The following SMG1 variants were observed in gnomAD, a reference collection of about 807,000 sequenced individuals.
SMG1 encodes the protein SMG1 nonsense mediated mRNA decay associated PI3K related kinase, also known as serine/threonine-protein kinase SMG1.
A neutral mutation model predicts 419.9 loss-of-function variants in SMG1; 22 were observed. That is an observed-to-expected ratio of 0.05 (90% CI 0.04 to 0.07). The LOEUF (loss-of-function observed/expected upper bound fraction) is 0.07. SMG1 is among the 10% of genes least tolerant of loss of function. The probability of loss-of-function intolerance (pLI) is 1.00; values close to 1 mark genes in which losing one functional copy is unlikely to be tolerated. For synonymous variants in SMG1, 1,538 were observed against 1,553.5 expected, an observed-to-expected ratio of 0.99 and a Z score of 0.23; for missense variants, 3,185 against 4,342.0, an observed-to-expected ratio of 0.73 and a Z score of 7.49.
At chr16:18,845,281 G>T in intron 39 of SMG1, 148 bp downstream of exon 39, 3 of 632,136 alleles carry the variant, frequency 4.7e-6, no homozygotes, top group Non-Finnish European at 7.8e-6. Context: ...TTTTTTCTAT[G>T]TTCCTTATAA....
intron 51 of SMG1, 134 bp downstream of exon 51, chr16:18,832,806 C>T (rs1166226134): frequency 1.9e-5 from 14 of 737,262 alleles, no homozygotes; most frequent in East Asian, 5.1e-5. Flanking sequence ...TAAAAAGATA[C>T]GTGTATGAGC....
In SMG1 at chr16:18,809,510, G is replaced by C; in HGVS notation, c.*59C>G. On this transcript the variant is annotated 3_prime_UTR_variant, in exon 63 of 63. Transcript: ENST00000446231. ...GGTGTGGCTTTGGATGCCTGAGGCT[G>C]AGTTGATTCTGGTGGATGTCTGACC... 1 of 1,329,470 alleles carries C rather than the reference G, an allele frequency of 7.5e-7. No homozygotes were observed. The allele number at this position is 1,329,470 out of a possible 1,614,324, so 82.4% of individuals were successfully genotyped here. A position where few individuals can be genotyped will look rare whatever the true frequency, so the allele number is the denominator to read the frequency against.
chr16:18,924,645 C>A (rs181567961), intron 1 of SMG1, among the ~76,000 whole-genome samples: 1 of 152,134 alleles, frequency 6.6e-6, no homozygotes, highest in African/African-American at 2.4e-5. Context: ...CAAGTCAACG[C>A]TGTTTATCGA....
intron 1 of SMG1, among the ~76,000 whole-genome samples, chr16:18,916,642 G>T (rs1289805843): frequency 6.7e-6 from 1 of 149,334 alleles, no homozygotes; most frequent in Non-Finnish European, 1.5e-5. Flanking sequence ...CACAGAATAA[G>T]GGAGCATTTC....
At chr16:18,873,329 C>T (rs2035926832) in intron 13 of SMG1, among the ~76,000 whole-genome samples, 1 of 152,030 alleles carries the variant, frequency 6.6e-6, no homozygotes, top group Admixed American at 6.6e-5. Context: ...AGCAATTCTC[C>T]CTGCCTCAGT....
intron 6 of SMG1, among the ~76,000 whole-genome samples, chr16:18,887,787 A>C (rs1278468834): frequency 1.0e-4 from 10 of 98,764 alleles, no homozygotes; most frequent in African/African-American, 3.0e-4. Context: ...AAAAAAAAAA[A>C]AAAAAAAAAA....
Position 18,869,266 on chromosome 16 carries a change from G to C in SMG1, c.2671C>G (p.Gln891Glu). 1 of 1,611,454 alleles carries C rather than the reference G, an allele frequency of 6.2e-7. No individual in the cohort carries two copies. The highest frequency in any genetic ancestry group is 1.1e-5 in the South Asian group (1 of 90,962). The change falls in exon 20 of 63, where the codon CAG (glutamine) becomes GAG (glutamate). Residue 891 changes from glutamine to glutamate, a missense_variant. By Grantham distance (29) the Gln-to-Glu change is conservative. Transcript: ENST00000446231. ...NWLERLFYSC[Q>E]RLDKRDQSTI... ...GACTGGTCACGCTTATCCAGTCTCT[G>C]GCAGCTATAGAACAGTCTTTCCAAC...
chr16:18,920,265 T>C (rs1454368525), intron 1 of SMG1, among the ~76,000 whole-genome samples: 1 of 151,722 alleles, frequency 6.6e-6, no homozygotes, highest in African/African-American at 2.4e-5. Context: ...GCCGGTAATC[T>C]GATCTACTTA....
At chr16:18,899,519 C>T (rs953865003) in intron 1 of SMG1, among the ~76,000 whole-genome samples, 20 of 152,162 alleles carry the variant, frequency 1.3e-4, no homozygotes, top group African/African-American at 4.8e-4. Context: ...GCACAAAATG[C>T]TTTAGCATTT....
At chr16:18,819,433 T>C (rs773763691) in intron 56 of SMG1, 69 bp downstream of exon 56, 10 of 1,534,648 alleles carry the variant, frequency 6.5e-6, no homozygotes, top group Admixed American at 1.9e-5. Context: ...TTACCCCACA[T>C]ATAACTTCCA....
intron 1 of SMG1, among the ~76,000 whole-genome samples, chr16:18,900,397 G>C (rs1315287845): frequency 6.6e-6 from 1 of 152,100 alleles, no homozygotes; most frequent in Non-Finnish European, 1.5e-5. Context: ...AGAATCCTTA[G>C]ACCTCACACC....
At chr16:18,893,973 T>C (rs12102883) in intron 3 of SMG1, among the ~76,000 whole-genome samples, 27,836 of 151,406 alleles carry the variant, frequency 0.18, 2,646 homozygotes, top group Middle Eastern at 0.26. Context: ...AGGAGAATCA[T>C]TTTAATCTGG....
intron 58 of SMG1, 64 bp downstream of exon 58, chr16:18,816,238 T>C (rs1328586665): frequency 2.4e-6 from 3 of 1,275,666 alleles, no homozygotes; most frequent in East Asian, 4.9e-5. Flanking sequence ...TTCCTATAAA[T>C]AAAACTACTT....
chr16:18,903,203 G>C (rs2037416060), intron 1 of SMG1, among the ~76,000 whole-genome samples: 1 of 152,118 alleles, frequency 6.6e-6, no homozygotes, highest in Non-Finnish European at 1.5e-5. Context: ...TCCTTCCAAG[G>C]AACCTCTAAT....
intron 1 of SMG1, among the ~76,000 whole-genome samples, chr16:18,916,091 C>CAAA (rs1207251735): frequency 5.5e-5 from 4 of 72,238 alleles, no homozygotes; most frequent in African/African-American, 1.1e-4. Flanking sequence ...AAAAAAAAAC[C>CAAA]AGAAAAAAAA....
chr16:18,893,719 G>A (rs1303758937), intron 3 of SMG1, among the ~76,000 whole-genome samples: 2 of 151,962 alleles, frequency 1.3e-5, no homozygotes, highest in African/African-American at 4.8e-5. Flanking sequence ...ATCACAAAGG[G>A]TCTGACAGTT....
intron 8 of SMG1, 80 bp from the exon 9 acceptor site, chr16:18,884,247 C>T (rs910396910): frequency 2.3e-5 from 15 of 665,938 alleles, no homozygotes; most frequent in African/African-American, 2.2e-4. Context: ...AAATAAGAGG[C>T]TTGTTTTAAG....
rs1320863969 is a variant in SMG1 at position 18,805,943 on chromosome 16, A to AATTGGGAG, written c.*3618_*3625dup. The AATTGGGAG allele has an allele frequency of 6.6e-6, 1 of 152,660 alleles. No homozygotes were observed. Among genetic ancestry groups the AATTGGGAG allele is most frequent in the African/African-American group, 2.4e-5 (1 of 41,458 alleles). The allele number at this position is 152,660 out of a possible 1,614,324, so 9.5% of individuals were successfully genotyped here. A position where few individuals can be genotyped will look rare whatever the true frequency, so the allele number is the denominator to read the frequency against. ...ATTGTAGGTGCTTTCATATGAAAATAATTGGGAGAAAAGAAGAACCAGCTC... is the reference window on the plus strand; with the variant it reads ...ATTGTAGGTGCTTTCATATGAAAATAATTGGGAGATTGGGAGAAAAGAAGAACCAGCTC... On this transcript the variant is annotated 3_prime_UTR_variant, in exon 63 of 63. Transcript: ENST00000446231.
At chr16:18,921,217 G>A (rs1405718840) in intron 1 of SMG1, among the ~76,000 whole-genome samples, 4 of 151,816 alleles carry the variant, frequency 2.6e-5, no homozygotes, top group East Asian at 1.9e-4. Flanking sequence ...GTGGTGTGGT[G>A]GTATGCACCT....
Sources: allele counts gnomAD v4.1 joint callset (sites outside exome capture counted in the v4.1 genomes callset), GRCh38; gene constraint gnomAD v4.1.1; transcripts MANE v1.5; gene names NCBI Gene and HGNC (gene_info 2026-07-23, HGNC 2026-07-21).